The following APP variants were observed in gnomAD, a reference collection of about 807,000 sequenced individuals.
APP encodes amyloid beta precursor protein.
A neutral mutation model predicts 101.4 loss-of-function variants in APP; 31 were observed. The observed-to-expected ratio is 0.31, with a 90% CI of 0.23 to 0.41. The LOEUF is 0.41. Ranked by LOEUF, APP falls within the 10% of genes least tolerant of loss-of-function variation. The pLI is 1.00. For missense variants in APP, 839 were observed against 1,003.7 expected (o/e 0.84, Z 2.22); for synonymous variants, 366 against 364.4 (o/e 1.00, Z -0.05).
chr21:26,088,771 G>A (rs2061756769), intron 3 of APP, among the ~76,000 whole-genome samples: 1 of 152,034 alleles, frequency 6.6e-6, no homozygotes, highest in South Asian at 2.1e-4. Flanking sequence ...AAAGCATATA[G>A]GAACAAGGAA....
chr21:26,049,800 G>C (rs913415740), intron 5 of APP, among the ~76,000 whole-genome samples: 2 of 152,144 alleles, frequency 1.3e-5, no homozygotes, highest in African/African-American at 4.8e-5. Context: ...TGGACTAAAA[G>C]CCTGAACTGG....
intron 2 of APP, among the ~76,000 whole-genome samples, chr21:26,104,101 A>G (rs1251086726): frequency 2.6e-5 from 4 of 152,146 alleles, no homozygotes; most frequent in Admixed American, 2.6e-4. Context: ...TTGAGCAGGG[A>G]GAAAAAGGCA....
In APP at chr21:25,897,598, C is replaced by G. The variant is rs148754993; in HGVS notation, c.2039G>C (p.Gly680Ala). Reference protein sequence around the residue: ...KMDAEFRHDSGYEVHHQKLVF... With the variant: ...KMDAEFRHDSAYEVHHQKLVF... ...CAATTTTTGATGATGAACTTCATAT[C>G]CTGAGTCATGTCGGAATTCTGCATC... is the stretch of plus-strand genomic sequence containing the variant. Residue 680 changes from glycine (G) to alanine (A), a missense_variant, in exon 16 of 18, where the codon GGA (glycine) becomes GCA (alanine). Physicochemically the swap from Gly to Ala is moderately conservative, Grantham distance 60. Transcript: ENST00000346798. The G allele has an allele frequency of 6.2e-7, 1 of 1,613,846 alleles. No homozygotes were observed. Among genetic ancestry groups the G allele is most frequent in the Non-Finnish European group, 8.5e-7 (1 of 1,179,776 alleles).
At chr21:25,936,650 CT>C (rs2040376316) in intron 13 of APP, among the ~76,000 whole-genome samples, 1 of 152,176 alleles carries the variant, frequency 6.6e-6, no homozygotes, top group African/African-American at 2.4e-5. Context: ...GAAGAGAGGC[CT>C]CCTCAGAAAC....
chr21:26,068,700 G>A (rs902244681), intron 3 of APP, among the ~76,000 whole-genome samples: 2 of 152,030 alleles, frequency 1.3e-5, no homozygotes, highest in African/African-American at 4.8e-5. Flanking sequence ...ATCTTCTCCA[G>A]TTTCCACCAA....
chr21:26,034,188 A>G (rs1206321089), intron 5 of APP, among the ~76,000 whole-genome samples: 2 of 152,316 alleles, frequency 1.3e-5, no homozygotes, highest in Admixed American at 6.5e-5. Context: ...CCATTATTTA[A>G]GTAGAAACAA....
At chr21:26,101,095 CTTTTTTTTTTTTTT>C (rs35407047) in intron 2 of APP, among the ~76,000 whole-genome samples, 2 of 79,318 alleles carry the variant, frequency 2.5e-5, no homozygotes, top group South Asian at 6.3e-4. Context: ...TTTTTTTTTC[CTTTTTTTTTTTTTT>C]TTTTTTTTTG....
chr21:26,007,469 A>C (rs2043586961), intron 6 of APP, among the ~76,000 whole-genome samples: 1 of 147,730 alleles, frequency 6.8e-6, no homozygotes, highest in South Asian at 2.1e-4. Context: ...ATATATTACA[A>C]TATATAATTA....
intron 8 of APP, among the ~76,000 whole-genome samples, chr21:25,982,932 A>G (rs1269203568): frequency 1.6e-3 from 1 of 632 alleles, no homozygotes; most frequent in Non-Finnish European, 3.0e-3. Context: ...ACGGCACCCC[A>G]GGGAAAAGGT....
At position 26,142,548 on chromosome 21, in the gene APP, C is replaced by T. The variant is rs116723136; in HGVS notation, c.57+28016G>A. The stretch of plus-strand genomic sequence containing the variant: ...CTTTGGGAGATAGAGGTCGGAGGCT[C>T]GCCTGAGGCCAGGAGTTCAAGACCA... On this transcript the variant is annotated intron_variant, in intron 1 of 17. Transcript: ENST00000346798. Among the ~76,000 whole-genome samples, 1,289 of 152,176 alleles carry T rather than the reference C, an allele frequency of 8.5e-3. 19 individuals are homozygous for T. Among genetic ancestry groups the T allele is most frequent in the African/African-American group, 0.028 (1,167 of 41,498 alleles).
chr21:26,004,305 CAG>C (rs2043422932), intron 6 of APP, among the ~76,000 whole-genome samples: 1 of 102,992 alleles, frequency 9.7e-6, no homozygotes, highest in African/African-American at 3.8e-5. Flanking sequence ...TTTTTTGAGA[CAG>C]AGTCTCGCTC....
At chr21:25,883,471 C>T (rs2037124610) in intron 17 of APP, among the ~76,000 whole-genome samples, 1 of 152,038 alleles carries the variant, frequency 6.6e-6, no homozygotes, top group Non-Finnish European at 1.5e-5. Flanking sequence ...GCGGGTGGAT[C>T]ACGAGGTCGG....
At chr21:25,946,444 T>C (rs2040824607) in intron 13 of APP, among the ~76,000 whole-genome samples, 1 of 152,174 alleles carries the variant, frequency 6.6e-6, no homozygotes, top group South Asian at 2.1e-4. Flanking sequence ...GGTGGGCAGG[T>C]TGCCTGAGCT....
intron 1 of APP, among the ~76,000 whole-genome samples, chr21:26,151,106 C>T (rs760608549): frequency 4.6e-5 from 7 of 152,068 alleles, no homozygotes; most frequent in Non-Finnish European, 8.8e-5. Context: ...AGATAAATAC[C>T]GTCTCTTTTC....
chr21:25,910,518 A>G (rs2039018528), intron 14 of APP, among the ~76,000 whole-genome samples: 1 of 152,214 alleles, frequency 6.6e-6, no homozygotes, highest in Non-Finnish European at 1.5e-5. Flanking sequence ...GTTCTTAAAA[A>G]ACATGTTATT....
intron 6 of APP, among the ~76,000 whole-genome samples, chr21:26,002,391 C>CTTGTCTTTGATTGG (rs1555841869): frequency 6.6e-6 from 1 of 152,200 alleles, no homozygotes; most frequent in South Asian, 2.1e-4. Context: ...ATTGTGGATC[C>CTTGTCTTTGATTGG]CATCAACTAT....
chr21:25,914,074 C>A (rs984061575), intron 13 of APP, among the ~76,000 whole-genome samples: 2 of 152,076 alleles, frequency 1.3e-5, no homozygotes, highest in African/African-American at 2.4e-5. Context: ...TTCCCTTCCA[C>A]CTTTCCTGTT....
chr21:26,110,061 T>TTGACACTTTATA (rs2062276906), intron 2 of APP, among the ~76,000 whole-genome samples: 1 of 152,366 alleles, frequency 6.6e-6, no homozygotes, highest in Admixed American at 6.5e-5. Context: ...ATTTCTAACA[T>TTGACACTTTATA]TGACACTTTA....
Position 25,987,011 on chromosome 21 carries a change from T to C in APP, c.1091-4534A>G, listed in dbSNP as rs545954454. ...AAGGCTGTAAAGCTAATTTTTAGAG[T>C]AGTAAAGGGCCAATCCATCCACATG... On this transcript the variant is annotated intron_variant, in intron 8 of 17. Transcript: ENST00000346798. Among the ~76,000 whole-genome samples, 6 of 152,192 alleles carry C rather than the reference T, an allele frequency of 3.9e-5. No homozygotes were observed. In the South Asian group the frequency reaches 1.2e-3, roughly 32 times the overall value.
Sources: allele counts gnomAD v4.1 joint callset (sites outside exome capture counted in the v4.1 genomes callset), GRCh38; gene constraint gnomAD v4.1.1; transcripts MANE v1.5; gene names NCBI Gene and HGNC (gene_info 2026-07-23, HGNC 2026-07-21).